Variants in KMT2D observed in about 807,000 individuals in gnomAD.
The protein encoded by KMT2D is histone-lysine N-methyltransferase 2D.
Under a neutral mutation model 512.7 loss-of-function variants are expected in KMT2D, and 55 were observed. That is an observed-to-expected ratio of 0.11 (90% confidence interval 0.09 to 0.13). The LOEUF is 0.13. KMT2D is among the 10% of genes least tolerant of loss of function. The pLI is 1.00. For synonymous variants in KMT2D, 2,995 were observed against 2,904.0 expected (o/e 1.03, Z -1.01); for missense variants, 6,061 against 7,127.9 (o/e 0.85, Z 5.39).
At chr12:49,059,356 A>G (rs1267040870) in intron 1 of KMT2D, among the ~76,000 whole-genome samples, 1 of 152,002 alleles carries the variant, frequency 6.6e-6, no homozygotes, top group African/African-American at 2.4e-5. Context: ...ACAGGCAGAG[A>G]GGCTATCTGG....
chr12:49,030,489 G>A, intron 42 of KMT2D, 50 bp from the exon 43 acceptor site: 3 of 1,381,556 alleles, frequency 2.2e-6, no homozygotes, highest in East Asian at 2.4e-5. Flanking sequence ...TAGGGAGACT[G>A]ATATAATCTC....
In KMT2D at chr12:49,051,902, G is replaced by A. The variant is rs190079343; in HGVS notation, c.1781C>T (p.Pro594Leu). ...PPEESPMSPPPEASRLFPPFE... is the reference protein window; with the variant it reads ...PPEESPMSPPLEASRLFPPFE... ...TGGTGGGAACAGACGAGATGCCTCC[G>A]GTGGTGGAGACATGGGTGACTCTTC... Residue 594 changes from proline (P) to leucine (L), a missense_variant, in exon 11 of 55, where the codon CCG becomes CTG. By Grantham distance (98) the Pro-to-Leu change is moderately conservative. Around this residue, in one of 16 missense-constraint regions of KMT2D, gnomAD observed 848 missense variants for 838.5 expected, o/e 1.01. Coordinates refer to ENST00000301067, the MANE Select transcript of KMT2D (RefSeq NM_003482.4). 28 of 1,613,096 alleles carry A rather than the reference G, an allele frequency of 1.7e-5. No homozygotes were observed. Among genetic ancestry groups the A allele is most frequent in the East Asian group, 2.2e-5 (1 of 44,838 alleles).
At position 49,049,170 on chromosome 12, in the gene KMT2D, G is replaced by A. The variant is rs2120631454; in HGVS notation, c.3955C>T (p.His1319Tyr). The A allele has an allele frequency of 6.2e-7, 1 of 1,611,524 alleles. No individual in the cohort carries two copies. Among genetic ancestry groups the A allele is most frequent in the Non-Finnish European group, 8.5e-7 (1 of 1,178,786 alleles). Residue 1319 changes from histidine (H) to tyrosine (Y), a missense_variant, in exon 13 of 55, where the codon CAT becomes TAT. Transcript: ENST00000301067. ...PGRRRPRGGA[H>Y]GGRGRGRARL... ...GCCCGTCCTCTACCACGTCCTCCAT[G>A]GGCTCCTCCACGAGGCCGGCGTCTT...
At position 49,031,831 on chromosome 12, in the gene KMT2D, G is replaced by C. The variant is rs1555187827; in HGVS notation, c.12874C>G (p.Pro4292Ala). The change falls in exon 40 of 55, where the codon CCA becomes GCA. Residue 4292 changes from proline to alanine, a missense_variant. Pro to Ala is a conservative substitution (Grantham distance 27). Transcript: ENST00000301067. ...RPQGPPRLPA[P>A]PGALSTGPVL... The stretch of plus-strand genomic sequence containing the variant: ...GGTCCTGTAGATAAGGCTCCTGGTG[G>C]GGCAGGGAGCCGGGGTGGGCCCTGA... 1 of 1,559,076 alleles carries C rather than the reference G, an allele frequency of 6.4e-7. No homozygotes were observed.
rs199946966 is a variant in KMT2D at position 49,051,027 on chromosome 12, G to C, written c.2656C>G (p.Pro886Ala). 7.7e-6 allele frequency: 12 copies of C among 1,557,066 alleles called. No individual in the cohort carries two copies. Among genetic ancestry groups the C allele is most frequent in the Admixed American group, 2.0e-5 (1 of 50,318 alleles). ...AAGGGAGATAAGGATGGTTCCCCAG[G>C]GGGAGGGAACAAGGGCAGCTCCTCA... is the stretch of plus-strand genomic sequence containing the variant. Reference protein sequence around the residue: ...APEELPLFPPPGEPSLSPLLG... With the variant: ...APEELPLFPPAGEPSLSPLLG... The change falls in exon 11 of 55, where the codon CCT (proline) becomes GCT (alanine). Residue 886 changes from proline to alanine, a missense_variant. Physicochemically the swap from Pro to Ala is conservative, Grantham distance 27. Coordinates refer to ENST00000301067, the MANE Select transcript of KMT2D (RefSeq NM_003482.4).
rs1411282550 is a variant in KMT2D at position 49,024,407 on chromosome 12, G to A, written c.16052+171C>T. Among the ~76,000 whole-genome samples, 1 of 152,164 alleles carries A rather than the reference G, an allele frequency of 6.6e-6. No homozygotes were observed. The highest frequency in any genetic ancestry group is 1.5e-5 in the Non-Finnish European group (1 of 68,018). ...GCATCTGAGCAGGTTGGGAGAGGAG[G>A]AAAAGGATACCCTACTAATACCTGC... On this transcript the variant is annotated intron_variant, in intron 51 of 54. Coordinates refer to ENST00000301067, the MANE Select transcript of KMT2D (RefSeq NM_003482.4). The surrounding 1 kb of genome is among the most constrained non-coding windows in gnomAD (Gnocchi z 4.5).
rs779087419 is a variant in KMT2D, at chr12:49,029,221, C to T, written c.14091G>A (p.Glu4697=). The T allele has an allele frequency of 1.9e-6, 3 of 1,612,590 alleles. No individual in the cohort carries two copies. In the African/African-American group the frequency reaches 4.0e-5, roughly 22 times the overall value. ...CAATGCTGTCAGGAGAATCGCTATC[C>T]TCATCACTCTCCATCCTGGGGACCA... ...QTEDVRMESD[E]DSDSPDSIVP... The change falls in exon 45 of 55, where the codon GAG becomes GAA. Residue 4697 remains glutamate (E), a synonymous_variant. Coordinates refer to ENST00000301067, the MANE Select transcript of KMT2D (RefSeq NM_003482.4).
rs747374916 is a variant in KMT2D, at chr12:49,051,697, CAGGCGTGACACCACAGGCAGGGGGGAT to C, written c.1959_1985del (p.Leu656_Pro664del). ...AGGGAGATTCCTCAGGCGGTGGAGA[CAGGCGTGACACCACAGGCAGGGGGGAT>C]AGGCGCGATACCTCAGGTGGGGGGG... On this transcript the variant is annotated inframe_deletion, in exon 11 of 55. Transcript: ENST00000301067. 1.3e-6 allele frequency: 2 copies of C among 1,574,084 alleles called. No individual in the cohort carries two copies.
At position 49,053,554 on chromosome 12, in the gene KMT2D, G is replaced by T; in HGVS notation, c.761C>A (p.Ala254Asp). 2.5e-6 allele frequency: 4 copies of T among 1,600,812 alleles called. No homozygotes were observed. The highest frequency in any genetic ancestry group is 3.4e-6 in the Non-Finnish European group (4 of 1,173,754). ...CTSCGHHYHG[A>D]CLDTALTARK... is the part of the protein sequence containing the mutation. ...GGCAGTCAGAGCAGTGTCCAGGCAG[G>T]CCCCGTGATAGTGATGCCCACAGCT... is the stretch of plus-strand genomic sequence containing the variant. The change falls in exon 7 of 55, where the codon GCC (alanine) becomes GAC (aspartate). Residue 254 changes from alanine (A) to aspartate (D), a missense_variant. Coordinates refer to ENST00000301067, the MANE Select transcript of KMT2D (RefSeq NM_003482.4).
chr12:49,029,356 TA>T, intron 44 of KMT2D, 44 bp downstream of exon 44: 2 of 1,557,148 alleles, frequency 1.3e-6, no homozygotes, highest in Non-Finnish European at 1.7e-6. Context: ...AGGCAACCTG[TA>T]CCCCACCCTT....
Position 49,032,040 on chromosome 12 carries a change from A to AGCTGCT in KMT2D, c.12659_12664dup (p.Gln4220_Gln4221dup), listed in dbSNP as rs754290613. 4 of 1,612,976 alleles carry AGCTGCT rather than the reference A, an allele frequency of 2.5e-6. No homozygotes were observed. The highest frequency in any genetic ancestry group is 2.2e-5 in the East Asian group (1 of 44,874). On this transcript the variant is annotated inframe_insertion, in exon 40 of 55. Coordinates refer to ENST00000301067, the MANE Select transcript of KMT2D (RefSeq NM_003482.4). The stretch of plus-strand genomic sequence containing the variant: ...CTGCCGCTGCATGAGGAGTGCCTGT[A>AGCTGCT]GCTGCTGCTGCTGCTGAGGACTTAA...
At position 49,041,906 on chromosome 12, in the gene KMT2D, T is replaced by C; in HGVS notation, c.6183+11A>G. The C allele has an allele frequency of 1.9e-6, 3 of 1,598,592 alleles. No homozygotes were observed. Among genetic ancestry groups the C allele is most frequent in the Non-Finnish European group, 2.6e-6 (3 of 1,171,424 alleles). On this transcript the variant is annotated intron_variant, in intron 30 of 54. Coordinates refer to ENST00000301067, the MANE Select transcript of KMT2D (RefSeq NM_003482.4). The surrounding 1 kb of genome is among the most constrained non-coding windows in gnomAD (Gnocchi z 5.4). Reference sequence around the variant, plus strand: ...AGTTCCCACGCTAATCCATGCTCCTTTCTGCCTCACCAGGTAGGGGGCTTT... The same window carrying C: ...AGTTCCCACGCTAATCCATGCTCCTCTCTGCCTCACCAGGTAGGGGGCTTT...
In KMT2D at chr12:49,037,163, A is replaced by T. The variant is rs774540578; in HGVS notation, c.10193T>A (p.Met3398Lys). 3.8e-6 allele frequency: 6 copies of T among 1,591,558 alleles called. No individual in the cohort carries two copies. In the Admixed American group the frequency reaches 6.8e-5, roughly 18 times the overall value. The change falls in exon 35 of 55, where the codon ATG (methionine) becomes AAG (lysine). Residue 3398 changes from methionine (M) to lysine (K), a missense_variant. Met to Lys is a moderately conservative substitution (Grantham distance 95). Around this residue, in one of 16 missense-constraint regions of KMT2D, gnomAD observed 533 missense variants for 539.6 expected, o/e 0.99. Coordinates refer to ENST00000301067, the MANE Select transcript of KMT2D (RefSeq NM_003482.4). ...GAAGCTGTTTGCCAGCTGCTGCTGC[A>T]TTGCCAATTGCTGCGGCTTCATGCA... The part of the protein sequence containing the change: ...SMCMKPQQLA[M>K]QQQLANSFFP...
rs1292860084 is a variant in KMT2D, at chr12:49,032,581, A to T, written c.12124T>A (p.Ser4042Thr). 1 of 1,613,650 alleles carries T rather than the reference A, an allele frequency of 6.2e-7. No individual in the cohort carries two copies. Among genetic ancestry groups the T allele is most frequent in the East Asian group, 2.2e-5 (1 of 44,898 alleles). Residue 4042 changes from serine (S) to threonine (T), a missense_variant, in exon 40 of 55, where the codon TCT (serine) becomes ACT (threonine). Ser to Thr is a moderately conservative substitution (Grantham distance 58). Transcript: ENST00000301067. ...GCTAACGGCCCTCCCTGATGTGTAGAGGGCCCCTCAGTGGCCTCTGAAGAA... is the reference window on the plus strand; with the variant it reads ...GCTAACGGCCCTCCCTGATGTGTAGTGGGCCCCTCAGTGGCCTCTGAAGAA... ...AVSSEATEGP[S>T]THQGGPLAIG...
At chr12:49,058,626 G>GA (rs1938551958) in intron 1 of KMT2D, among the ~76,000 whole-genome samples, 1 of 152,116 alleles carries the variant, frequency 6.6e-6, no homozygotes, top group Non-Finnish European at 1.5e-5. Flanking sequence ...GTTTCCAGGA[G>GA]AAAAGAGCTC....
rs369436545 is a variant in KMT2D at position 49,050,741 on chromosome 12, C to T, written c.2847G>A (p.Pro949=). 1.9e-4 allele frequency: 309 copies of T among 1,612,540 alleles called. No individual in the cohort carries two copies. Among genetic ancestry groups the T allele is most frequent in the Non-Finnish European group, 2.3e-4 (273 of 1,179,208 alleles). The part of the protein sequence containing the change: ...LSPIITAAAP[P]ALSPLGELEY... ...CTAACTCCCCCAAAGGAGACAGGGC[C>T]GGTGGGGCCGCAGCTGTGATGATGG... Residue 949 remains proline, a synonymous_variant, in exon 12 of 55, where the codon CCG becomes CCA. Transcript: ENST00000301067.
chr12:49,055,387 T>C (rs963249278), intron 1 of KMT2D, 26 bp from the exon 2 acceptor site: 2 of 1,467,342 alleles, frequency 1.4e-6, no homozygotes, highest in African/African-American at 2.8e-5. Flanking sequence ...AAGAGATCTA[T>C]ATGCCTACTA....
In KMT2D at chr12:49,050,580, G is replaced by A. The variant is rs2120653165; in HGVS notation, c.3008C>T (p.Pro1003Leu). 6.2e-7 allele frequency: 1 copy of A among 1,604,348 alleles called. No individual in the cohort carries two copies. The highest frequency in any genetic ancestry group is 8.5e-7 in the Non-Finnish European group (1 of 1,172,840). Residue 1003 changes from proline (P) to leucine (L), a missense_variant, in exon 12 of 55, where the codon CCA becomes CTA. Physicochemically the swap from Pro to Leu is moderately conservative, Grantham distance 98. Around this residue, in one of 16 missense-constraint regions of KMT2D, gnomAD observed 447 missense variants for 500.1 expected, o/e 0.89. Coordinates refer to ENST00000301067, the MANE Select transcript of KMT2D (RefSeq NM_003482.4). ...CGGCCCCACTGGGGAGCCTGGAGAT[G>A]GGGGAAGGATCATAGGGGGGACAGG... ...PEPVPPMILP[P>L]SPGSPVGPAS... is the part of the protein sequence containing the mutation.
chr12:49,027,982 C>A, intron 47 of KMT2D, 27 bp downstream of exon 47: 1 of 1,613,472 alleles, frequency 6.2e-7, no homozygotes, highest in Non-Finnish European at 8.5e-7. Flanking sequence ...CCCCTCAAGT[C>A]CCAAAGGGCT....
Sources: allele counts gnomAD v4.1 joint callset (sites outside exome capture counted in the v4.1 genomes callset), GRCh38; gene constraint gnomAD v4.1.1; regional missense constraint gnomAD v4.1.1; non-coding constraint Gnocchi (gnomAD v3.1); transcripts MANE v1.5; gene names NCBI Gene and HGNC (gene_info 2026-07-23, HGNC 2026-07-21).